The following SLC22A25 variants were observed in gnomAD, a reference collection of about 807,000 sequenced individuals.
SLC22A25 encodes solute carrier family 22 member 25.
SLC22A25 carries 44 observed loss-of-function variants against 45.9 expected under a neutral mutation model. That is an observed-to-expected ratio of 0.96 (90% CI 0.75 to 1.23). The LOEUF is 1.23. Among genes scored for constraint, SLC22A25 ranks in the 50% most tolerant of loss-of-function variants. SLC22A25 has a pLI of 0.00. For missense variants in SLC22A25, 800 were observed against 666.4 expected (o/e 1.20, Z -2.21); for synonymous variants, 283 against 238.6 (o/e 1.19, Z -1.72).
chr11:63,182,209 T>C (rs2088353315), intron 8 of SLC22A25, among the ~76,000 whole-genome samples: 2 of 152,126 alleles, frequency 1.3e-5, no homozygotes, highest in Admixed American at 6.6e-5. Context: ...ATTGCTCTTT[T>C]TGAGCAACAC....
chr11:63,220,129 A>G, intron 5 of SLC22A25: 1 of 705,040 alleles, frequency 1.4e-6, no homozygotes, highest in Non-Finnish European at 2.1e-6. Flanking sequence ...TGTAAGGTAG[A>G]GGTTGTAATA....
At chr11:63,174,587 G>C (rs1173102126) in intron 9 of SLC22A25, among the ~76,000 whole-genome samples, 4 of 152,134 alleles carry the variant, frequency 2.6e-5, no homozygotes, top group South Asian at 2.1e-4. Flanking sequence ...AGGCTTGCCA[G>C]TCACTCAGAT....
rs1410247940 is a variant in SLC22A25 at position 63,217,404 on chromosome 11, G to T, written c.740C>A (p.Thr247Asn). The T allele has an allele frequency of 6.2e-7, 1 of 1,614,012 alleles. No homozygotes were observed. Among genetic ancestry groups the T allele is most frequent in the South Asian group, 1.1e-5 (1 of 91,074 alleles). Reference sequence around the variant, plus strand: ...AATGACAAAAGCCAGGCTTCCCAGGGTTATATGTCCAATACTAGCAGCACA... The same window carrying T: ...AATGACAAAAGCCAGGCTTCCCAGGTTTATATGTCCAATACTAGCAGCACA... ...TLCAASIGHI[T>N]LGSLAFVIRD... Residue 247 changes from threonine (T) to asparagine (N), a missense_variant, in exon 7 of 12, where the codon ACC becomes AAC. Coordinates refer to ENST00000306494, the MANE Select transcript of SLC22A25 (RefSeq NM_199352.6).
At position 63,183,533 on chromosome 11, in the gene SLC22A25, A is replaced by G. The variant is rs185937725; in HGVS notation, c.954+161T>C. ...TTCAGCAACAGGATATTCTCTTTCA[A>G]TGTTAATCCAATGTTGACACCCATT... On this transcript the variant is annotated intron_variant, in intron 8 of 11. Transcript: ENST00000306494. Among the ~76,000 whole-genome samples, 1,318 of 152,250 alleles carry G rather than the reference A, an allele frequency of 8.7e-3. 79 individuals carry two copies. Among genetic ancestry groups the G allele is most frequent in the Admixed American group, 0.078 (1,193 of 15,274 alleles).
chr11:63,211,152 G>A (rs2134800352), intron 7 of SLC22A25, among the ~76,000 whole-genome samples: 1 of 152,272 alleles, frequency 6.6e-6, no homozygotes, highest in South Asian at 2.1e-4. Context: ...ACAGACCCCT[G>A]GGTGGTAGTA....
chr11:63,195,650 C>G (rs1456625674), intron 7 of SLC22A25, among the ~76,000 whole-genome samples: 1 of 152,046 alleles, frequency 6.6e-6, no homozygotes, highest in African/African-American at 2.4e-5. Flanking sequence ...CAAGAGAAAG[C>G]AGGAAAGATC....
At chr11:63,242,013 T>C (rs1308664068) in intron 1 of SLC22A25, among the ~76,000 whole-genome samples, 1 of 152,204 alleles carries the variant, frequency 6.6e-6, no homozygotes, top group African/African-American at 2.4e-5. Flanking sequence ...AATATCATAG[T>C]CCATCTATAT....
chr11:63,178,148 C>T (rs1450989936), intron 9 of SLC22A25, among the ~76,000 whole-genome samples: 7 of 151,872 alleles, frequency 4.6e-5, no homozygotes, highest in East Asian at 1.9e-4. Flanking sequence ...ACCTTGGCCT[C>T]CCAAAATTCT....
chr11:63,201,019 G>GA lies in SLC22A25; in HGVS notation c.830+16294dup, dbSNP rs553590673. On this transcript the variant is annotated intron_variant, in intron 7 of 11. Transcript: ENST00000306494. ...AAAGAAATCAGAGATGATACAAACA[G>GA]AAAAAATTGCATGCTCATGGATAGG... is the stretch of plus-strand genomic sequence containing the variant. Among the ~76,000 whole-genome samples, 6 of 151,742 alleles carry GA rather than the reference G, an allele frequency of 4.0e-5. No homozygotes were observed. In the South Asian group the frequency reaches 1.2e-3, roughly 32 times the overall value.
At chr11:63,242,450 G>A (rs1405010732) in intron 1 of SLC22A25, among the ~76,000 whole-genome samples, 3 of 152,202 alleles carry the variant, frequency 2.0e-5, no homozygotes, top group Admixed American at 6.5e-5. Context: ...TCCCATCTAA[G>A]AATAGTGTCA....
intron 9 of SLC22A25, chr11:63,166,719 A>G (rs1292284785): frequency 3.0e-6 from 3 of 995,492 alleles, no homozygotes; most frequent in African/African-American, 1.7e-5. Flanking sequence ...TGTACAACTT[A>G]TTGGGTACAG....
At chr11:63,215,513 A>G (rs1452857915) in intron 7 of SLC22A25, among the ~76,000 whole-genome samples, 7 of 152,160 alleles carry the variant, frequency 4.6e-5, no homozygotes, top group Non-Finnish European at 7.3e-5. Context: ...GCAAACCACA[A>G]TGGCACATGT....
chr11:63,181,731 C>T (rs2088332802), intron 8 of SLC22A25, among the ~76,000 whole-genome samples: 1 of 152,056 alleles, frequency 6.6e-6, no homozygotes, highest in African/African-American at 2.4e-5. Context: ...TTCTGGGCCA[C>T]ATCCTATATT....
At chr11:63,238,691 T>C in intron 2 of SLC22A25, 26 bp downstream of exon 2, 1 of 177,892 alleles carries the variant, frequency 5.6e-6, no homozygotes, top group South Asian at 1.5e-4. Flanking sequence ...TAGTTGTGTA[T>C]GTAGGAGGAA....
chr11:63,174,193 T>C (rs979246813), intron 9 of SLC22A25, among the ~76,000 whole-genome samples: 5 of 152,124 alleles, frequency 3.3e-5, no homozygotes, highest in Non-Finnish European at 7.4e-5. Context: ...AATGAGATGG[T>C]TTCCAGCTTC....
At chr11:63,222,109 C>T (rs958220720) in intron 5 of SLC22A25, among the ~76,000 whole-genome samples, 2 of 152,094 alleles carry the variant, frequency 1.3e-5, no homozygotes, top group African/African-American at 2.4e-5. Context: ...TTTGGCTATT[C>T]TGGGTCTTTT....
chr11:63,171,464 A>G (rs2087882799), intron 9 of SLC22A25, among the ~76,000 whole-genome samples: 1 of 152,220 alleles, frequency 6.6e-6, no homozygotes. Context: ...GCAAAGTCTC[A>G]GAATACAAAA....
chr11:63,226,746 G>C (rs1001376823), intron 5 of SLC22A25, among the ~76,000 whole-genome samples: 1 of 152,162 alleles, frequency 6.6e-6, no homozygotes, highest in African/African-American at 2.4e-5. Context: ...AGTTCCCCTT[G>C]GCCCCAGGCA....
intron 7 of SLC22A25, among the ~76,000 whole-genome samples, chr11:63,216,663 G>A (rs760523446): frequency 2.0e-5 from 3 of 152,162 alleles, no homozygotes; most frequent in African/African-American, 7.2e-5. Flanking sequence ...TTATAAGTGG[G>A]AGCTAAAGGT....
Sources: allele counts gnomAD v4.1 joint callset (sites outside exome capture counted in the v4.1 genomes callset), GRCh38; gene constraint gnomAD v4.1.1; transcripts MANE v1.5; gene names NCBI Gene and HGNC (gene_info 2026-07-23, HGNC 2026-07-21).